ABL1: variants seen among roughly 807,000 people sequenced by gnomAD.
ABL1 encodes tyrosine-protein kinase ABL1.
ABL1 carries 11 observed loss-of-function variants against 94.7 expected under a neutral mutation model. That is an observed-to-expected ratio of 0.12 (90% confidence interval 0.07 to 0.19). The LOEUF (loss-of-function observed/expected upper bound fraction) is 0.19, where lower values mean the gene tolerates loss of function less well. Ranked by LOEUF, ABL1 falls within the 10% of genes least tolerant of loss-of-function variation. ABL1 has a pLI of 1.00. For synonymous variants in ABL1, 656 were observed against 622.4 expected (o/e 1.05, Z -0.80); for missense variants, 1,082 against 1,489.4 (o/e 0.73, Z 4.50).
rs1303592927 is a variant in ABL1, at chr9:130,767,135, T to C, written c.136+52680T>C. On this transcript the variant is annotated intron_variant, in intron 1 of 10. Transcript: ENST00000372348. ...ACATGACATCTTTTCGGAAAGACCT[T>C]CCCTGATGGCCCAGGCCACAGTACC... Among the ~76,000 whole-genome samples the C allele has an allele frequency of 3.3e-5, 5 of 152,294 alleles. No individual in the cohort carries two copies. In the East Asian group the frequency reaches 9.6e-4, roughly 29 times the overall value.
intron 1 of ABL1, among the ~76,000 whole-genome samples, chr9:130,813,714 C>A (rs994706243): frequency 5.3e-5 from 8 of 151,954 alleles, no homozygotes; most frequent in African/African-American, 1.9e-4. Context: ...AAATCAACAG[C>A]GAAGTAAGTA....
At chr9:130,797,698 A>G (rs537837048) in intron 1 of ABL1, among the ~76,000 whole-genome samples, 28 of 152,338 alleles carry the variant, frequency 1.8e-4, no homozygotes, top group African/African-American at 6.3e-4. Flanking sequence ...TGGTGACTCC[A>G]TACAAAATAT....
At chr9:130,841,666 G>A (rs983036581) in intron 1 of ABL1, among the ~76,000 whole-genome samples, 7 of 151,792 alleles carry the variant, frequency 4.6e-5, no homozygotes, top group Admixed American at 2.0e-4. Context: ...TAAAAAATTA[G>A]CCAGGCGTAG....
At position 130,887,318 on chromosome 9, in the gene ABL1, C is replaced by A. The variant is rs138318860; in HGVS notation, c.*1635C>A. 2.6e-5 allele frequency: 6 copies of A among 233,304 alleles called. No homozygotes were observed. Among genetic ancestry groups the A allele is most frequent in the African/African-American group, 1.3e-4 (6 of 45,496 alleles). The allele number at this position is 233,304 out of a possible 1,614,324, so 14.5% of individuals were successfully genotyped here. On this transcript the variant is annotated 3_prime_UTR_variant, in exon 11 of 11. Coordinates refer to ENST00000318560, the MANE Select transcript of ABL1 (RefSeq NM_005157.6). The stretch of plus-strand genomic sequence containing the variant: ...CACATCACCTCTTTGCCCCCGACGG[C>A]TGTGACGCAGCCGGAGGGAGGCACT...
intron 1 of ABL1, among the ~76,000 whole-genome samples, chr9:130,789,525 T>TACACACACACACACAC (rs59537102): frequency 9.4e-5 from 14 of 148,954 alleles, no homozygotes; most frequent in African/African-American, 3.2e-4. Context: ...AAAAAGGACA[T>TACACACACACACACAC]ACACACACAC....
At chr9:130,748,557 C>T (rs998347818) in intron 1 of ABL1, among the ~76,000 whole-genome samples, 4 of 151,888 alleles carry the variant, frequency 2.6e-5, no homozygotes, top group Non-Finnish European at 2.9e-5. Context: ...GGACTACAGG[C>T]GTGAGCCACC....
intron 1 of ABL1, among the ~76,000 whole-genome samples, chr9:130,841,180 CT>C (rs1461026215): frequency 6.6e-6 from 1 of 151,788 alleles, no homozygotes; most frequent in Non-Finnish European, 1.5e-5. Context: ...AAGAGTCTCA[CT>C]CTGTCGCCCA....
chr9:130,713,933 CGTT>C (rs1831403999), exon 1 of ABL1: 1 of 235,564 alleles, frequency 4.2e-6, no homozygotes, highest in Non-Finnish European at 8.3e-6. Context: ...AGACCATCAG[CGTT>C]TCCTTTATGT....
intron 1 of ABL1, among the ~76,000 whole-genome samples, chr9:130,800,673 T>C (rs1830042168): frequency 6.6e-6 from 1 of 152,182 alleles, no homozygotes; most frequent in Admixed American, 6.5e-5. Context: ...ATTTGATTTC[T>C]TTTACTCTTA....
At chr9:130,728,636 C>T (rs1284989550) in intron 1 of ABL1, among the ~76,000 whole-genome samples, 4 of 151,660 alleles carry the variant, frequency 2.6e-5, no homozygotes, top group Admixed American at 6.6e-5. Flanking sequence ...GTGATCCACC[C>T]GCCTCAGCCT....
intron 1 of ABL1, among the ~76,000 whole-genome samples, chr9:130,822,439 C>CTTTTTTT (rs35922505): frequency 4.8e-5 from 5 of 104,408 alleles, no homozygotes; most frequent in African/African-American, 1.2e-4. Context: ...CCCGCCCCTG[C>CTTTTTTT]TTTTTTTTTT....
intron 1 of ABL1, among the ~76,000 whole-genome samples, chr9:130,725,768 T>A (rs1831573196): frequency 6.7e-6 from 1 of 150,170 alleles, no homozygotes; most frequent in African/African-American, 2.4e-5. Context: ...ATTGTGTGTG[T>A]ATATATATAT....
At chr9:130,751,561 G>A (rs1588223147) in intron 1 of ABL1, among the ~76,000 whole-genome samples, 1 of 152,106 alleles carries the variant, frequency 6.6e-6, no homozygotes, top group Admixed American at 6.6e-5. Context: ...CAGATGGAAC[G>A]GCCTCATAGA....
intron 1 of ABL1, among the ~76,000 whole-genome samples, chr9:130,762,868 G>A (rs1490920696): frequency 4.1e-5 from 6 of 145,940 alleles, no homozygotes; most frequent in East Asian, 2.0e-4. Flanking sequence ...CCAAGATGGC[G>A]CCACTGCACT....
At chr9:130,836,544 C>T (rs988160006) in intron 1 of ABL1, among the ~76,000 whole-genome samples, 1 of 152,086 alleles carries the variant, frequency 6.6e-6, no homozygotes, top group Admixed American at 6.5e-5. Context: ...AAAAATGTGG[C>T]CGGGCGCGGT....
intron 1 of ABL1, among the ~76,000 whole-genome samples, chr9:130,733,792 A>T (rs962373572): frequency 2.0e-5 from 3 of 151,538 alleles, no homozygotes. Flanking sequence ...GGGTTTCACC[A>T]TGTTAGCCAG....
At chr9:130,883,859 C>G in intron 10 of ABL1, 110 bp from the exon 11 acceptor site, 1 of 1,344,344 alleles carries the variant, frequency 7.4e-7, no homozygotes, top group South Asian at 1.4e-5. Flanking sequence ...CTCACTCTGT[C>G]TCCTGGGCTG....
chr9:130,729,340 C>G (rs1053576622), intron 1 of ABL1, among the ~76,000 whole-genome samples: 1 of 152,218 alleles, frequency 6.6e-6, no homozygotes, highest in Non-Finnish European at 1.5e-5. Flanking sequence ...CAGGATGCCT[C>G]CCACCTTCTT....
At chr9:130,762,699 CAGG>C (rs1832131127) in intron 1 of ABL1, among the ~76,000 whole-genome samples, 1 of 152,054 alleles carries the variant, frequency 6.6e-6, no homozygotes, top group African/African-American at 2.4e-5. Context: ...ATCACAAAGT[CAGG>C]AGATCGAGAC....
Sources: allele counts gnomAD v4.1 joint callset (sites outside exome capture counted in the v4.1 genomes callset), GRCh38; gene constraint gnomAD v4.1.1; transcripts MANE v1.5; gene names NCBI Gene and HGNC (gene_info 2026-07-23, HGNC 2026-07-21).